Variants in ZNF180 observed in about 807,000 individuals in gnomAD.
The protein encoded by ZNF180 is zinc finger protein 180.
Under a neutral mutation model 11.8 loss-of-function variants are expected in ZNF180, and 11 were observed. That is an observed-to-expected ratio of 0.93 (90% CI 0.59 to 1.55). The LOEUF is 1.55. Ranked by LOEUF, ZNF180 falls within the 40% of genes most tolerant of loss-of-function variation. ZNF180 has a pLI of 0.00. For synonymous variants in ZNF180, 287 were observed against 257.7 expected (o/e 1.11, Z -1.09); for missense variants, 773 against 781.7 (o/e 0.99, Z 0.13).
chr19:44,481,452 T>A (rs542241363), intron 3 of ZNF180, among the ~76,000 whole-genome samples: 4 of 152,234 alleles, frequency 2.6e-5, no homozygotes, highest in African/African-American at 9.6e-5. Context: ...AATGCATGCT[T>A]CTTTTTAATA....
intron 1 of ZNF180, 100 bp from the exon 2 acceptor site, chr19:44,497,477 C>G (rs905593406): frequency 8.2e-7 from 1 of 1,215,900 alleles, no homozygotes. Flanking sequence ...AGGATGCATT[C>G]CCATAGCAAA....
intron 2 of ZNF180, among the ~76,000 whole-genome samples, chr19:44,487,187 T>A (rs1254857697): frequency 6.6e-6 from 1 of 152,222 alleles, no homozygotes; most frequent in Non-Finnish European, 1.5e-5. Context: ...TCTCCTTATC[T>A]ATCTAGAAAA....
At chr19:44,480,963 T>A (rs1224929087) in intron 3 of ZNF180, among the ~76,000 whole-genome samples, 2 of 152,184 alleles carry the variant, frequency 1.3e-5, no homozygotes, top group South Asian at 2.1e-4. Context: ...GAACTCTCAG[T>A]CTTCAAATAA....
chr19:44,500,194 T>TCA, intron 1 of ZNF180, 81 bp downstream of exon 1: 1 of 1,614,022 alleles, frequency 6.2e-7, no homozygotes, highest in South Asian at 1.1e-5. Flanking sequence ...CCCGCTACAC[T>TCA]CACCACCGCT....
chr19:44,476,377 G>A lies in ZNF180; in HGVS notation c.*25C>T, dbSNP rs775031399. On this transcript the variant is annotated 3_prime_UTR_variant, in exon 5 of 5. Transcript: ENST00000592529. ...TTTTTTAAAAGAATGAAATAAAAAG[G>A]AAGAAATCCCAGCTGATTTACAAAC... The A allele has an allele frequency of 6.6e-7, 1 of 1,520,470 alleles. No homozygotes were observed. Among genetic ancestry groups the A allele is most frequent in the African/African-American group, 1.4e-5 (1 of 71,644 alleles). The allele number at this position is 1,520,470 out of a possible 1,614,324, so 94.2% of individuals were successfully genotyped here.
At position 44,495,361 on chromosome 19, in the gene ZNF180, C is replaced by T. The variant is rs901344195; in HGVS notation, c.51+1923G>A. On this transcript the variant is annotated intron_variant, in intron 2 of 4. Transcript: ENST00000592529. The surrounding 1 kb of genome is among the most constrained non-coding windows in gnomAD (Gnocchi z 4.5). The stretch of plus-strand genomic sequence containing the variant: ...GGGCTAGGCTGCCCCATCTCTCAGA[C>T]TCACTCCTCTGCCACTTGGACTTGG... Among the ~76,000 whole-genome samples, 1 of 151,988 alleles carries T rather than the reference C, an allele frequency of 6.6e-6. No individual in the cohort carries two copies. Among genetic ancestry groups the T allele is most frequent in the African/African-American group, 2.4e-5 (1 of 41,350 alleles).
rs1290941855 is a variant in ZNF180, at chr19:44,477,521, C to T, written c.879G>A (p.Gln293=). The T allele has an allele frequency of 6.2e-7, 1 of 1,613,948 alleles. No homozygotes were observed. The highest frequency in any genetic ancestry group is 8.5e-7 in the Non-Finnish European group (1 of 1,180,008). ...ATTGACTCTCTTCAAAAGGAATTCT[C>T]TGTTGTTCATTATGGGATATTTTGG... ...LNPKISHNEQ[Q]RIPFEESQYK... is the part of the protein sequence containing the mutation. The change falls in exon 5 of 5, where the codon CAG becomes CAA. Residue 293 remains glutamine (Q), a synonymous_variant. Coordinates refer to ENST00000592529, the MANE Select transcript of ZNF180 (RefSeq NM_001278509.3).
chr19:44,476,149 T>C lies in ZNF180; in HGVS notation c.*253A>G. On this transcript the variant is annotated 3_prime_UTR_variant, in exon 5 of 5. Coordinates refer to ENST00000592529, the MANE Select transcript of ZNF180 (RefSeq NM_001278509.3). The stretch of plus-strand genomic sequence containing the variant: ...TTTCTGCAAGGAAAAGTGCCAGTAT[T>C]TATTATTTTCATAGGAATATGTCAT... 2.8e-6 allele frequency: 1 copy of C among 352,558 alleles called. No individual in the cohort carries two copies. Among genetic ancestry groups the C allele is most frequent in the Non-Finnish European group, 5.1e-6 (1 of 196,818 alleles). The allele number at this position is 352,558 out of a possible 1,614,324, so 21.8% of individuals were successfully genotyped here.
chr19:44,479,486 G>A, intron 3 of ZNF180, 77 bp from the exon 4 acceptor site: 1 of 1,577,516 alleles, frequency 6.3e-7, no homozygotes, highest in African/African-American at 1.4e-5. Context: ...AAGTCTGACA[G>A]ATGGAAAAAG....
In ZNF180 at chr19:44,475,980, C is replaced by A; in HGVS notation, c.*422G>T. 6.4e-6 allele frequency: 1 copy of A among 156,106 alleles called. No homozygotes were observed. Among genetic ancestry groups the A allele is most frequent in the Non-Finnish European group, 1.4e-5 (1 of 70,802 alleles). The allele number at this position is 156,106 out of a possible 1,614,324, so 9.7% of individuals were successfully genotyped here. On this transcript the variant is annotated 3_prime_UTR_variant, in exon 5 of 5. Transcript: ENST00000592529. ...ATGCACTAAAATATGGTTTTCCAGC[C>A]TAAGTTCTAAACACTACAGCAACCT...
Position 44,479,274 on chromosome 19 carries a change from T to C in ZNF180, c.253+9A>G. 1.9e-6 allele frequency: 3 copies of C among 1,611,416 alleles called. No homozygotes were observed. The highest frequency in any genetic ancestry group is 2.5e-6 in the Non-Finnish European group (3 of 1,179,098). On this transcript the variant is annotated intron_variant, in intron 4 of 4. Coordinates refer to ENST00000592529, the MANE Select transcript of ZNF180 (RefSeq NM_001278509.3). ...GATGGATCTTCATTAAAGAGGAGTG[T>C]ATTCTTACCCCAAGAGACTAGGTCC...
At chr19:44,484,497 T>C in intron 2 of ZNF180, 62 bp from the exon 3 acceptor site, 1 of 1,184,996 alleles carries the variant, frequency 8.4e-7, no homozygotes, top group Non-Finnish European at 1.3e-6. Context: ...GCAGCTCAAA[T>C]CTCCTCCGGT....
At position 44,477,568 on chromosome 19, in the gene ZNF180, C is replaced by T. The variant is rs1969950776; in HGVS notation, c.832G>A (p.Glu278Lys). The change falls in exon 5 of 5, where the codon GAA (glutamate) becomes AAA (lysine). Residue 278 changes from glutamate to lysine, a missense_variant. By Grantham distance (56) the Glu-to-Lys change is moderately conservative. Coordinates refer to ENST00000592529, the MANE Select transcript of ZNF180 (RefSeq NM_001278509.3). ...HGGGKTFDFK[E>K]CGQVLNPKIS... ...TTGGGGTTCAAAACCTGCCCACATT[C>T]TTTAAAATCAAAGGTTTTTCCTCCT... 1.9e-6 allele frequency: 3 copies of T among 1,614,076 alleles called. No homozygotes were observed. Among genetic ancestry groups the T allele is most frequent in the Non-Finnish European group, 2.5e-6 (3 of 1,180,014 alleles).
chr19:44,488,900 C>A (rs1203095680), intron 2 of ZNF180, among the ~76,000 whole-genome samples: 1 of 149,926 alleles, frequency 6.7e-6, no homozygotes, highest in Non-Finnish European at 1.5e-5. Context: ...AGTGAGGAGA[C>A]CCTCTGCCTG....
chr19:44,488,752 G>A (rs1388104093), intron 2 of ZNF180, among the ~76,000 whole-genome samples: 1 of 151,434 alleles, frequency 6.6e-6, no homozygotes, highest in East Asian at 2.0e-4. Flanking sequence ...GAGCCCCTCT[G>A]CCTGGCTGCC....
Position 44,477,541 on chromosome 19 carries a change from T to C in ZNF180, c.859A>G (p.Ile287Val). ...KECGQVLNPK[I>V]SHNEQQRIPF... ...ATTCTCTGTTGTTCATTATGGGATA[T>C]TTTGGGGTTCAAAACCTGCCCACAT... Residue 287 changes from isoleucine to valine, a missense_variant, in exon 5 of 5, where the codon ATA becomes GTA. Transcript: ENST00000592529. 4.3e-6 allele frequency: 7 copies of C among 1,614,148 alleles called. No individual in the cohort carries two copies. Among genetic ancestry groups the C allele is most frequent in the Non-Finnish European group, 5.9e-6 (7 of 1,180,012 alleles).
intron 2 of ZNF180, among the ~76,000 whole-genome samples, chr19:44,488,585 G>C (rs978048364): frequency 1.1e-4 from 16 of 152,098 alleles, no homozygotes; most frequent in Non-Finnish European, 2.1e-4. Flanking sequence ...GCCCAGGCTG[G>C]AGTGCAGTGG....
chr19:44,498,848 C>T (rs1480926044), intron 1 of ZNF180, among the ~76,000 whole-genome samples: 3 of 152,114 alleles, frequency 2.0e-5, no homozygotes, highest in Non-Finnish European at 2.9e-5. Flanking sequence ...CAAACTGGAG[C>T]CCCCAGGCCT....
chr19:44,494,660 G>A (rs1027145117), intron 2 of ZNF180, among the ~76,000 whole-genome samples: 1 of 152,110 alleles, frequency 6.6e-6, no homozygotes, highest in Non-Finnish European at 1.5e-5. Flanking sequence ...GTGACAGAGT[G>A]AGACCCTGTC....
Sources: allele counts gnomAD v4.1 joint callset (sites outside exome capture counted in the v4.1 genomes callset), GRCh38; gene constraint gnomAD v4.1.1; non-coding constraint Gnocchi (gnomAD v3.1); transcripts MANE v1.5; gene names NCBI Gene and HGNC (gene_info 2026-07-23, HGNC 2026-07-21).